Variants in CNTLN observed in about 807,000 individuals in gnomAD.
CNTLN encodes centlein, also known as centlein, centrosomal protein.
A neutral mutation model predicts 180.0 loss-of-function variants in CNTLN; 212 were observed. The observed-to-expected ratio is 1.18, with a 90% CI of 1.05 to 1.32. The LOEUF is 1.32. Among genes scored for constraint, CNTLN ranks in the 40% most tolerant of loss-of-function variants. The pLI is 0.00. For missense variants in CNTLN, 2,095 were observed against 1,610.9 expected, an observed-to-expected ratio of 1.30 and a Z score of -5.14; for synonymous variants, 722 against 563.1, an observed-to-expected ratio of 1.28 and a Z score of -3.99.
At chr9:17,144,836 A>G (rs949707161) in intron 2 of CNTLN, among the ~76,000 whole-genome samples, 13 of 149,402 alleles carry the variant, frequency 8.7e-5, no homozygotes, top group African/African-American at 3.2e-4. Flanking sequence ...TATTTTTTTT[A>G]TTTTATTTTT....
intron 13 of CNTLN, among the ~76,000 whole-genome samples, chr9:17,379,660 A>T (rs1257832716): frequency 6.6e-6 from 1 of 152,106 alleles, no homozygotes. Context: ...TAGAAGGGAA[A>T]ATCTGCTCCC....
intron 8 of CNTLN, among the ~76,000 whole-genome samples, chr9:17,323,404 ACT>A (rs1232642807): frequency 6.6e-6 from 1 of 152,064 alleles, no homozygotes; most frequent in Non-Finnish European, 1.5e-5. Context: ...TAGCCATGGC[ACT>A]CTCATTCAAA....
intron 12 of CNTLN, among the ~76,000 whole-genome samples, chr9:17,360,297 C>T (rs1251398568): frequency 2.6e-5 from 4 of 152,080 alleles, no homozygotes; most frequent in East Asian, 1.9e-4. Context: ...CCACTGCAGT[C>T]GGATTTTGCA....
At chr9:17,267,044 A>C (rs968655187) in intron 5 of CNTLN, among the ~76,000 whole-genome samples, 2 of 152,050 alleles carry the variant, frequency 1.3e-5, no homozygotes, top group African/African-American at 2.4e-5. Context: ...TTACATTTAA[A>C]GTTAATGTTG....
At chr9:17,173,768 A>G (rs941772036) in intron 2 of CNTLN, among the ~76,000 whole-genome samples, 1 of 152,224 alleles carries the variant, frequency 6.6e-6, no homozygotes, top group African/African-American at 2.4e-5. Context: ...GCCATTTTTT[A>G]AAAATTAAAC....
chr9:17,199,822 G>A (rs896700480), intron 2 of CNTLN, among the ~76,000 whole-genome samples: 6 of 152,034 alleles, frequency 3.9e-5, no homozygotes, highest in African/African-American at 9.7e-5. Flanking sequence ...TTCTTTTCCT[G>A]TGCATAAGTT....
intron 5 of CNTLN, among the ~76,000 whole-genome samples, chr9:17,272,812 AG>A (rs1244720089): frequency 6.6e-6 from 1 of 152,152 alleles, no homozygotes; most frequent in Non-Finnish European, 1.5e-5. Flanking sequence ...CCTAACTGTC[AG>A]TAGTTGAACA....
intron 18 of CNTLN, chr9:17,444,266 G>C (rs1394666604): frequency 6.6e-6 from 1 of 152,166 alleles, no homozygotes; most frequent in Non-Finnish European, 1.5e-5. Context: ...CATTCTTATA[G>C]CTCTACCTCA....
At position 17,300,693 on chromosome 9, in the gene CNTLN, C is replaced by T. The variant is rs1012710534; in HGVS notation, c.1146+2341C>T. The T allele has an allele frequency of 2.0e-5, 3 of 152,060 alleles. No homozygotes were observed. In the East Asian group the frequency reaches 5.8e-4, roughly 29 times the overall value. The allele number at this position is 152,060 out of a possible 1,614,324, so 9.4% of individuals were successfully genotyped here. On this transcript the variant is annotated intron_variant, in intron 7 of 25. Coordinates refer to ENST00000380647, the MANE Select transcript of CNTLN (RefSeq NM_017738.4). ...TCTTCAAGTCCCTCCAGTGGTTTCC[C>T]AGACCATTAAAAATAAAAAACCTAA...
chr9:17,419,497 A>G (rs777726687), intron 18 of CNTLN, among the ~76,000 whole-genome samples: 31 of 152,292 alleles, frequency 2.0e-4, no homozygotes, highest in Middle Eastern at 3.4e-3. Flanking sequence ...TACACATGCA[A>G]TGTTTAATTT....
chr9:17,155,371 C>A (rs1819201685), intron 2 of CNTLN, among the ~76,000 whole-genome samples: 1 of 152,138 alleles, frequency 6.6e-6, no homozygotes, highest in African/African-American at 2.4e-5. Context: ...GCTGGGAGGT[C>A]CGCTGCTCTC....
chr9:17,174,556 C>T (rs997266809), intron 2 of CNTLN, among the ~76,000 whole-genome samples: 15 of 152,018 alleles, frequency 9.9e-5, no homozygotes, highest in African/African-American at 3.6e-4. Flanking sequence ...ATTAGCCGGA[C>T]GTGGTGGTGG....
At chr9:17,322,002 C>T (rs117638588) in intron 8 of CNTLN, among the ~76,000 whole-genome samples, 1,730 of 152,076 alleles carry the variant, frequency 0.011, 52 homozygotes, top group Admixed American at 0.062. Context: ...TAATTAGTTT[C>T]GAGTTTATAT....
chr9:17,460,174 C>G (rs1282901516), intron 19 of CNTLN, among the ~76,000 whole-genome samples: 1 of 151,190 alleles, frequency 6.6e-6, no homozygotes, highest in African/African-American at 2.4e-5. Flanking sequence ...AACTGAGACA[C>G]AGAAAGAATA....
At position 17,392,716 on chromosome 9, in the gene CNTLN, C is replaced by G. The variant is rs2133705112; in HGVS notation, c.2080-1818C>G. Among the ~76,000 whole-genome samples, 2 of 151,818 alleles carry G rather than the reference C, an allele frequency of 1.3e-5. 1 individual carries two copies. The highest frequency in any genetic ancestry group is 4.2e-4 in the South Asian group (2 of 4,814). On this transcript the variant is annotated intron_variant, in intron 14 of 25. Transcript: ENST00000380647. ...TTAAAATTAGGTGAGATTCTTCATACTGTGTTGAGAAATACCCATGCCCCA... is the reference window on the plus strand; with the variant it reads ...TTAAAATTAGGTGAGATTCTTCATAGTGTGTTGAGAAATACCCATGCCCCA...
chr9:17,215,666 C>A lies in CNTLN; in HGVS notation c.450-10537C>A, dbSNP rs1290416255. Reference sequence around the variant, plus strand: ...CCCCCAGGGGTGGAGTCTGTGGAGGCTGGCAGGCCTCCTTGAACTGCGGTG... The same window carrying A: ...CCCCCAGGGGTGGAGTCTGTGGAGGATGGCAGGCCTCCTTGAACTGCGGTG... On this transcript the variant is annotated intron_variant, in intron 2 of 25. Coordinates refer to ENST00000380647, the MANE Select transcript of CNTLN (RefSeq NM_017738.4). Among the ~76,000 whole-genome samples, 5 of 152,138 alleles carry A rather than the reference C, an allele frequency of 3.3e-5. No individual in the cohort carries two copies. In the East Asian group the frequency reaches 9.7e-4, roughly 29 times the overall value.
At chr9:17,465,337 C>T (rs892469006) in intron 21 of CNTLN, among the ~76,000 whole-genome samples, 5 of 150,576 alleles carry the variant, frequency 3.3e-5, no homozygotes, top group African/African-American at 7.3e-5. Flanking sequence ...TTCTCTTCCA[C>T]ACATCTGTGC....
In CNTLN at chr9:17,394,818, T is replaced by C. The variant is rs1826380523; in HGVS notation, c.2364T>C (p.Asn788=). 8.7e-6 allele frequency: 14 copies of C among 1,613,828 alleles called. No homozygotes were observed. Among genetic ancestry groups the C allele is most frequent in the African/African-American group, 1.3e-5 (1 of 74,956 alleles). Residue 788 remains asparagine (N), a synonymous_variant, in exon 15 of 26, where the codon AAT becomes AAC. Transcript: ENST00000380647. ...VAEANALRNE[N]EELINPMEKS... ...AAGCTAATGCATTGAGAAATGAAAATGAAGAGCTGATCAACCCAATGGAGA... is the reference window on the plus strand; with the variant it reads ...AAGCTAATGCATTGAGAAATGAAAACGAAGAGCTGATCAACCCAATGGAGA...
chr9:17,416,169 A>G lies in CNTLN; in HGVS notation c.3094A>G (p.Thr1032Ala). Residue 1032 changes from threonine to alanine, a missense_variant, in exon 18 of 26, where the codon ACA becomes GCA. Coordinates refer to ENST00000380647, the MANE Select transcript of CNTLN (RefSeq NM_017738.4). ...QQQVSDQRFQ[T>A]SRQTIKKLNL... ...GCAAGTATCCGATCAACGATTTCAGACAAGCAGGCAGACAATAAAGGTAAA... is the reference window on the plus strand; with the variant it reads ...GCAAGTATCCGATCAACGATTTCAGGCAAGCAGGCAGACAATAAAGGTAAA... The G allele has an allele frequency of 1.2e-6, 2 of 1,613,076 alleles. No homozygotes were observed. Among genetic ancestry groups the G allele is most frequent in the Non-Finnish European group, 8.5e-7 (1 of 1,179,518 alleles).
Sources: gnomAD v4.1 joint callset for allele counts (sites outside exome capture counted in the v4.1 genomes callset) on GRCh38, gnomAD v4.1.1 for gene constraint, MANE v1.5 for transcripts, NCBI Gene and HGNC (gene_info 2026-07-23, HGNC 2026-07-21) for gene names.